ATP6V0A1: variants seen among roughly 807,000 people sequenced by gnomAD.
ATP6V0A1 encodes ATPase H+ transporting V0 subunit a1.
Under a neutral mutation model 105.4 loss-of-function variants are expected in ATP6V0A1, and 43 were observed. The ratio of observed to expected loss-of-function variants is 0.41; its 90% confidence interval spans 0.32 to 0.53. The LOEUF is 0.53. ATP6V0A1 is among the 20% of genes least tolerant of loss of function. The pLI, the probability that ATP6V0A1 is intolerant of heterozygous loss-of-function variation, is 0.30. For missense variants in ATP6V0A1, 676 were observed against 1,051.1 expected, an observed-to-expected ratio of 0.64 and a Z score of 4.93; for synonymous variants, 362 against 372.8, an observed-to-expected ratio of 0.97 and a Z score of 0.33.
intron 4 of ATP6V0A1, among the ~76,000 whole-genome samples, chr17:42,468,418 T>C (rs960616003): frequency 6.6e-6 from 1 of 152,216 alleles, no homozygotes; most frequent in African/African-American, 2.4e-5. Flanking sequence ...TTTTGAAATA[T>C]ATACAGTACA....
chr17:42,490,415 T>C, intron 10 of ATP6V0A1, 72 bp from the exon 11 acceptor site: 1 of 1,370,778 alleles, frequency 7.3e-7, no homozygotes. Context: ...TTTCAAGAAA[T>C]GTACACCTGT....
rs1403365603 is a variant in ATP6V0A1, at chr17:42,507,624, C to T, written c.2109C>T (p.Asp703=). ...DQLSTHSEDA[D]EPSEDEVFDF... is the part of the protein sequence containing the mutation. ...TCTCCACCCACTCAGAGGACGCAGA[C>T]GAGGTAAGATCCCGTGGTGTGGGCT... Residue 703 remains aspartate, a synonymous_variant, in exon 18 of 22, where the codon GAC becomes GAT. Coordinates refer to ENST00000343619, the MANE Select transcript of ATP6V0A1 (RefSeq NM_001130021.3). The T allele has an allele frequency of 9.9e-6, 16 of 1,613,352 alleles. No individual in the cohort carries two copies. The highest frequency in any genetic ancestry group is 1.6e-4 in the Middle Eastern group (1 of 6,078).
intron 17 of ATP6V0A1, among the ~76,000 whole-genome samples, chr17:42,502,082 C>T (rs868834064): frequency 2.6e-5 from 4 of 152,190 alleles, no homozygotes; most frequent in African/African-American, 9.7e-5. Flanking sequence ...TGTCCCAGCA[C>T]GAGCACTGGG....
intron 8 of ATP6V0A1, 28 bp downstream of exon 8, chr17:42,480,777 T>C (rs528394339): frequency 4.4e-6 from 7 of 1,593,088 alleles, no homozygotes; most frequent in South Asian, 1.1e-5. Flanking sequence ...CTACCAGGAG[T>C]GCACAGCCAT....
chr17:42,467,923 G>A (rs369439924), intron 3 of ATP6V0A1, 87 bp from the exon 4 acceptor site: 4 of 653,508 alleles, frequency 6.1e-6, no homozygotes, highest in African/African-American at 5.8e-5. Context: ...TTTGTAACCA[G>A]GTCTTAGATG....
At chr17:42,507,100 C>T (rs1231259943) in intron 17 of ATP6V0A1, among the ~76,000 whole-genome samples, 2 of 152,160 alleles carry the variant, frequency 1.3e-5, no homozygotes, top group Non-Finnish European at 2.9e-5. Context: ...TGTCACTTGG[C>T]CCCCCTTCCT....
At position 42,487,157 on chromosome 17, in the gene ATP6V0A1, T is replaced by G; in HGVS notation, c.813T>G (p.Val271=). 1 of 1,614,152 alleles carries G rather than the reference T, an allele frequency of 6.2e-7. No homozygotes were observed. The highest frequency in any genetic ancestry group is 8.5e-7 in the Non-Finnish European group (1 of 1,180,028). ...VNTRIDDLQM[V]LNQTEDHRQR... ...GCTTGTTCCTTTTCTCCCCAAAGGT[T>G]CTGAATCAAACGGAGGATCACCGCC... Residue 271 remains valine (V), a splice_region_variant and synonymous_variant, in exon 10 of 22, where the codon GTT becomes GTG. Transcript: ENST00000343619.
Position 42,467,996 on chromosome 17 carries a change from T to A in ATP6V0A1, c.197-14T>A. ...GTGCAGTTAGACATGAATGTTTTGA[T>A]TCTGTCATTTTAGGATTTGTTGAGA... On this transcript the variant is annotated splice_polypyrimidine_tract_variant and intron_variant, in intron 3 of 21. Coordinates refer to ENST00000343619, the MANE Select transcript of ATP6V0A1 (RefSeq NM_001130021.3). The A allele has an allele frequency of 6.3e-7, 1 of 1,578,696 alleles. No homozygotes were observed. The highest frequency in any genetic ancestry group is 8.7e-7 in the Non-Finnish European group (1 of 1,154,690).
intron 7 of ATP6V0A1, 71 bp from the exon 8 acceptor site, chr17:42,480,596 A>C: frequency 6.8e-7 from 1 of 1,461,926 alleles, no homozygotes; most frequent in Non-Finnish European, 9.3e-7. Flanking sequence ...TCACCAAAAA[A>C]GTGGGTTATT....
chr17:42,503,945 C>T (rs902334752), intron 17 of ATP6V0A1, among the ~76,000 whole-genome samples: 2 of 152,226 alleles, frequency 1.3e-5, no homozygotes, highest in African/African-American at 4.8e-5. Flanking sequence ...TTGTCAATGT[C>T]CTTAACACAT....
At chr17:42,484,755 ATACT>A (rs930570775) in intron 9 of ATP6V0A1, among the ~76,000 whole-genome samples, 1 of 152,164 alleles carries the variant, frequency 6.6e-6, no homozygotes, top group Non-Finnish European at 1.5e-5. Flanking sequence ...ATTAATAAAC[ATACT>A]TAATCCCAAA....
intron 1 of ATP6V0A1, among the ~76,000 whole-genome samples, chr17:42,459,818 G>C (rs1209468664): frequency 6.6e-6 from 1 of 152,174 alleles, no homozygotes; most frequent in East Asian, 1.9e-4. Context: ...TGTTCGTTCA[G>C]ATTTCTCAAA....
intron 21 of ATP6V0A1, chr17:42,518,596 A>G (rs2092717504): frequency 6.6e-6 from 1 of 152,154 alleles, no homozygotes; most frequent in Admixed American, 6.5e-5. Flanking sequence ...TCCTTCACCC[A>G]CTCGAGGAAA....
intron 21 of ATP6V0A1, among the ~76,000 whole-genome samples, chr17:42,516,282 G>C (rs897926015): frequency 5.9e-5 from 9 of 152,190 alleles, no homozygotes; most frequent in African/African-American, 2.2e-4. Context: ...AGATTCAGCT[G>C]TGGGTTTTTC....
At chr17:42,510,872 G>A (rs2092315096) in intron 19 of ATP6V0A1, 1 of 152,252 alleles carries the variant, frequency 6.6e-6, no homozygotes, top group African/African-American at 2.4e-5. Context: ...GTGTCTGTAG[G>A]ATAAGTTGGA....
chr17:42,495,829 C>A, intron 14 of ATP6V0A1, 113 bp downstream of exon 14: 6 of 929,618 alleles, frequency 6.5e-6, no homozygotes, highest in Non-Finnish European at 1.0e-5. Flanking sequence ...GGCATGGTCG[C>A]TCATGCCTGT....
Position 42,487,185 on chromosome 17 carries a change from A to C in ATP6V0A1, c.841A>C (p.Arg281=). ...GAATCAAACGGAGGATCACCGCCAG[A>C]GGGTTCTGCAGGCAGCTGCTAAGAA... is the stretch of plus-strand genomic sequence containing the variant. ...VLNQTEDHRQ[R]VLQAAAKNIR... Residue 281 remains arginine, a synonymous_variant, in exon 10 of 22, where the codon AGG becomes CGG. Transcript: ENST00000343619. The C allele has an allele frequency of 1.9e-6, 3 of 1,614,208 alleles. No homozygotes were observed. The highest frequency in any genetic ancestry group is 2.5e-6 in the Non-Finnish European group (3 of 1,180,036).
intron 2 of ATP6V0A1, among the ~76,000 whole-genome samples, chr17:42,463,496 T>C (rs186621502): frequency 1.6e-3 from 247 of 152,360 alleles, no homozygotes; most frequent in African/African-American, 5.7e-3. Context: ...GTTTCTTGCA[T>C]GTATCCGTAG....
chr17:42,494,419 T>C lies in ATP6V0A1; in HGVS notation c.1260T>C (p.Ala420=), dbSNP rs1249103184. 8.7e-6 allele frequency: 14 copies of C among 1,613,950 alleles called. No individual in the cohort carries two copies. Among genetic ancestry groups the C allele is most frequent in the Non-Finnish European group, 1.2e-5 (14 of 1,179,860 alleles). ...ATGGCATTTTAATGACCCTTTTTGCTGTGTGGATGGTACTGAGGGAGAGCC... is the reference window on the plus strand; with the variant it reads ...ATGGCATTTTAATGACCCTTTTTGCCGTGTGGATGGTACTGAGGGAGAGCC... ...FGHGILMTLF[A]VWMVLRESRI... is the part of the protein sequence containing the mutation. Residue 420 remains alanine (A), a synonymous_variant, in exon 12 of 22, where the codon GCT becomes GCC. Transcript: ENST00000343619.
Sources: allele counts gnomAD v4.1 joint callset (sites outside exome capture counted in the v4.1 genomes callset), GRCh38; gene constraint gnomAD v4.1.1; transcripts MANE v1.5; gene names NCBI Gene and HGNC (gene_info 2026-07-23, HGNC 2026-07-21).